The following LPP variants were observed in gnomAD, a reference collection of about 807,000 sequenced individuals.
The protein encoded by LPP is LIM domain containing preferred translocation partner in lipoma.
In LPP, 38 loss-of-function variants were observed where a neutral mutation model predicts 60.4. The ratio of observed to expected loss-of-function variants is 0.63; its 90% CI spans 0.49 to 0.83. LPP has a LOEUF of 0.83. Ranked by LOEUF, LPP falls within the 40% of genes least tolerant of loss-of-function variation. LPP has a pLI of 0.00. For synonymous variants in LPP, 328 were observed against 290.8 expected (o/e 1.13, Z -1.30); for missense variants, 902 against 783.6 (o/e 1.15, Z -1.80).
chr3:188,579,030 C>G (rs1835421325), intron 6 of LPP, among the ~76,000 whole-genome samples: 1 of 149,172 alleles, frequency 6.7e-6, no homozygotes, highest in Non-Finnish European at 1.5e-5. Flanking sequence ...GATCACTTAC[C>G]AAAAAAAAAG....
chr3:188,365,577 C>T lies in LPP; in HGVS notation c.-10+23858C>T, dbSNP rs555456930. On this transcript the variant is annotated intron_variant, in intron 3 of 11. Coordinates refer to ENST00000617246, the MANE Select transcript of LPP (RefSeq NM_001375462.1). The stretch of plus-strand genomic sequence containing the variant: ...TACCTGCAAGAGGTAGTTATTCGAG[C>T]AGCAGTCTTTGTGAGACTGGAATTC... Among the ~76,000 whole-genome samples the T allele has an allele frequency of 4.6e-5, 7 of 152,248 alleles. No individual in the cohort carries two copies. The South Asian group carries it at 1.0e-3, about 23-fold the overall frequency.
At chr3:188,187,918 A>G (rs947976153) in intron 1 of LPP, among the ~76,000 whole-genome samples, 1 of 151,856 alleles carries the variant, frequency 6.6e-6, no homozygotes, top group African/African-American at 2.4e-5. Context: ...TTTTTTCTCT[A>G]CTGAATATTC....
At chr3:188,153,188 G>C (rs575849955), upstream of LPP, 3 of 152,464 alleles carry the variant, frequency 2.0e-5, 1 homozygote, top group South Asian at 6.2e-4. Flanking sequence ...AGGGCTAAAA[G>C]GGAGCCAGGG....
intron 6 of LPP, among the ~76,000 whole-genome samples, chr3:188,556,885 T>TATAA (rs910430935): frequency 3.3e-5 from 5 of 152,248 alleles, no homozygotes; most frequent in African/African-American, 7.2e-5. Flanking sequence ...TGGAATTACC[T>TATAA]ATAAATAAAT....
At chr3:188,687,343 T>C (rs1056427128) in intron 7 of LPP, among the ~76,000 whole-genome samples, 1 of 152,224 alleles carries the variant, frequency 6.6e-6, no homozygotes, top group Non-Finnish European at 1.5e-5. Context: ...CTAGCTGATA[T>C]GGTTTGGCTT....
At chr3:188,360,800 C>T (rs1769069450) in intron 3 of LPP, among the ~76,000 whole-genome samples, 1 of 152,178 alleles carries the variant, frequency 6.6e-6, no homozygotes, top group South Asian at 2.1e-4. Context: ...AATCCTGAAT[C>T]ACATCTTGCC....
chr3:188,592,677 G>A (rs1474598743), intron 6 of LPP, among the ~76,000 whole-genome samples: 1 of 151,470 alleles, frequency 6.6e-6, no homozygotes, highest in East Asian at 1.9e-4. Context: ...GAGTAGCTGG[G>A]ATGACAGGTG....
chr3:188,529,937 A>G (rs1469928920), intron 6 of LPP, among the ~76,000 whole-genome samples: 1 of 152,254 alleles, frequency 6.6e-6, no homozygotes, highest in African/African-American at 2.4e-5. Flanking sequence ...ATACAGGAAT[A>G]CCAACATTGT....
intron 2 of LPP, among the ~76,000 whole-genome samples, chr3:188,260,725 C>T (rs1017236745): frequency 3.3e-5 from 5 of 151,912 alleles, no homozygotes; most frequent in African/African-American, 9.7e-5. Context: ...TCAGAGGAAC[C>T]GAAGTTTAAA....
intron 8 of LPP, among the ~76,000 whole-genome samples, chr3:188,727,012 C>T (rs956167237): frequency 3.3e-5 from 5 of 152,048 alleles, no homozygotes; most frequent in Non-Finnish European, 7.4e-5. Context: ...AACCTTCAGC[C>T]GAGCAAGGAA....
intron 6 of LPP, among the ~76,000 whole-genome samples, chr3:188,548,004 G>T (rs1268631574): frequency 3.3e-5 from 5 of 152,134 alleles, no homozygotes; most frequent in African/African-American, 1.2e-4. Flanking sequence ...ACTCAGAAAA[G>T]ACCTAATGCT....
At chr3:188,263,992 A>G (rs1401473242) in intron 2 of LPP, among the ~76,000 whole-genome samples, 1 of 152,146 alleles carries the variant, frequency 6.6e-6, no homozygotes, top group African/African-American at 2.4e-5. Flanking sequence ...TGCAAGGTGT[A>G]TTATGTAGGA....
chr3:188,371,616 AATATATATATAT>A (rs57935178), intron 3 of LPP, among the ~76,000 whole-genome samples: 2 of 24,380 alleles, frequency 8.2e-5, no homozygotes, highest in Non-Finnish European at 1.8e-4. Flanking sequence ...GTGGTGGGAA[AATATATATATAT>A]ATATATATAT....
chr3:188,349,474 G>A lies in LPP; in HGVS notation c.-10+7755G>A, dbSNP rs560214866. ...AACGTGTGCTGGCATCTGAGTCCTC[G>A]TGTGTTTAAAGGGATTTTTTAAAAT... On this transcript the variant is annotated intron_variant, in intron 3 of 11. Transcript: ENST00000617246. Among the ~76,000 whole-genome samples the A allele has an allele frequency of 5.9e-5, 9 of 152,284 alleles. No individual in the cohort carries two copies. The South Asian group carries it at 1.4e-3, about 25-fold the overall frequency.
intron 6 of LPP, among the ~76,000 whole-genome samples, chr3:188,559,125 A>G (rs899886572): frequency 2.6e-5 from 4 of 151,996 alleles, no homozygotes; most frequent in Non-Finnish European, 4.4e-5. Context: ...GAGGGAGCTG[A>G]TGTAGTTAAT....
intron 5 of LPP, among the ~76,000 whole-genome samples, chr3:188,521,052 G>C (rs183049084): frequency 6.6e-6 from 1 of 152,142 alleles, no homozygotes; most frequent in African/African-American, 2.4e-5. Flanking sequence ...GCAGGACTTG[G>C]GCAGGACAAC....
In LPP at chr3:188,352,745, T is replaced by C. The variant is rs1012149426; in HGVS notation, c.-10+11026T>C. On this transcript the variant is annotated intron_variant, in intron 3 of 11. Transcript: ENST00000617246. This position sits in a 1 kb window ranked among gnomAD's most constrained non-coding sequence, Gnocchi z 4.4. ...AGCCCTGCCTGAGTGCGCACTTCAG[T>C]CCTGAAAGCTGCAGAGGGATGGGCT... is the stretch of plus-strand genomic sequence containing the variant. 4.6e-5 allele frequency among the ~76,000 whole-genome samples: 7 copies of C among 152,108 alleles called. No individual in the cohort carries two copies. Among genetic ancestry groups the C allele is most frequent in the Non-Finnish European group, 7.4e-5 (5 of 68,020 alleles).
chr3:188,358,309 G>T (rs965502282), intron 3 of LPP, among the ~76,000 whole-genome samples: 1 of 152,164 alleles, frequency 6.6e-6, no homozygotes, highest in Non-Finnish European at 1.5e-5. Context: ...AAGCTATATT[G>T]TTTCCACATG....
intron 7 of LPP, among the ~76,000 whole-genome samples, chr3:188,641,777 AC>A (rs971149506): frequency 6.6e-6 from 1 of 152,152 alleles, no homozygotes. Context: ...TTTCGGATGG[AC>A]CAAGTATAGA....
Sources: allele counts gnomAD v4.1 joint callset (sites outside exome capture counted in the v4.1 genomes callset), GRCh38; gene constraint gnomAD v4.1.1; non-coding constraint Gnocchi (gnomAD v3.1); transcripts MANE v1.5; gene names NCBI Gene and HGNC (gene_info 2026-07-23, HGNC 2026-07-21).